RNFT2: variants seen among roughly 807,000 people sequenced by gnomAD.
The protein encoded by RNFT2 is ring finger protein, transmembrane 2, also known as E3 ubiquitin-protein ligase RNFT2.
In RNFT2, 36 loss-of-function variants were observed where a neutral mutation model predicts 53.0. The ratio of observed to expected loss-of-function variants is 0.68; its 90% confidence interval spans 0.52 to 0.90. The LOEUF (loss-of-function observed/expected upper bound fraction) is 0.90, where lower values mean the gene tolerates loss of function less well. Ranked by LOEUF, RNFT2 falls within the 40% of genes least tolerant of loss-of-function variation. RNFT2 has a pLI of 0.00. For missense variants in RNFT2, 514 were observed against 585.6 expected (o/e 0.88, Z 1.26); for synonymous variants, 260 against 253.2 (o/e 1.03, Z -0.26).
chr12:116,788,522 C>T (rs754745498), intron 7 of RNFT2, among the ~76,000 whole-genome samples: 5 of 152,150 alleles, frequency 3.3e-5, no homozygotes, highest in Non-Finnish European at 5.9e-5. Flanking sequence ...GGTGCTCCCA[C>T]GAGGACTCCT....
At chr12:116,802,328 A>G (rs1874838063) in intron 7 of RNFT2, among the ~76,000 whole-genome samples, 1 of 152,184 alleles carries the variant, frequency 6.6e-6, no homozygotes, top group South Asian at 2.1e-4. Context: ...TGCAGACTCT[A>G]GTTCAGGAGT....
intron 6 of RNFT2, among the ~76,000 whole-genome samples, chr12:116,776,260 G>A (rs1873424920): frequency 6.6e-6 from 1 of 152,088 alleles, no homozygotes; most frequent in South Asian, 2.1e-4. Flanking sequence ...AACCCAGATA[G>A]ATGGATTGAA....
At chr12:116,842,444 C>T (rs1481359444) in intron 10 of RNFT2, among the ~76,000 whole-genome samples, 1 of 152,164 alleles carries the variant, frequency 6.6e-6, no homozygotes, top group Non-Finnish European at 1.5e-5. Context: ...CTTGGGCGCA[C>T]AGCTCCCCCT....
At chr12:116,751,524 C>T (rs1291844467) in intron 4 of RNFT2, among the ~76,000 whole-genome samples, 2 of 152,016 alleles carry the variant, frequency 1.3e-5, no homozygotes, top group Non-Finnish European at 2.9e-5. Context: ...CTGCCTCAGC[C>T]TCCCGAGTGA....
At chr12:116,812,936 CTGTTT>C (rs987799768) in intron 7 of RNFT2, among the ~76,000 whole-genome samples, 2 of 151,734 alleles carry the variant, frequency 1.3e-5, no homozygotes, top group Non-Finnish European at 2.9e-5. Flanking sequence ...CTTTGGTTTT[CTGTTT>C]TGTTTTGTCA....
At chr12:116,819,763 C>T (rs189656254) in intron 7 of RNFT2, among the ~76,000 whole-genome samples, 21 of 152,320 alleles carry the variant, frequency 1.4e-4, no homozygotes, top group African/African-American at 4.8e-4. Flanking sequence ...TGAGGCATAA[C>T]TTACATACTG....
chr12:116,750,373 G>A, intron 4 of RNFT2, 66 bp downstream of exon 4: 2 of 1,473,610 alleles, frequency 1.4e-6, no homozygotes, highest in Non-Finnish European at 9.2e-7. Context: ...CAGCCGGTGG[G>A]GTGGGGGCTC....
intron 7 of RNFT2, among the ~76,000 whole-genome samples, chr12:116,831,534 CTT>C (rs764190872): frequency 6.9e-6 from 1 of 144,150 alleles, no homozygotes. Context: ...GTGTTTTTTA[CTT>C]TTTTTTTTTT....
chr12:116,814,997 A>C (rs889564537), intron 7 of RNFT2, among the ~76,000 whole-genome samples: 1 of 152,188 alleles, frequency 6.6e-6, no homozygotes, highest in Non-Finnish European at 1.5e-5. Flanking sequence ...CGGCCTCCCA[A>C]AGTGCTGGGA....
chr12:116,739,490 C>T (rs1871490310), intron 1 of RNFT2, among the ~76,000 whole-genome samples: 1 of 152,112 alleles, frequency 6.6e-6, no homozygotes, highest in Non-Finnish European at 1.5e-5. Context: ...CAAACATGAA[C>T]AAATAAGTGC....
chr12:116,842,564 A>ATTTG (rs1335968339), intron 10 of RNFT2, among the ~76,000 whole-genome samples: 2 of 145,508 alleles, frequency 1.4e-5, no homozygotes, highest in African/African-American at 5.2e-5. Context: ...TATTTTATTT[A>ATTTG]TTTATTTGTT....
chr12:116,802,014 G>A (rs1238266487), intron 7 of RNFT2, among the ~76,000 whole-genome samples: 2 of 152,154 alleles, frequency 1.3e-5, no homozygotes, highest in African/African-American at 4.8e-5. Context: ...CAGAGATGGA[G>A]TTTCGCCATG....
intron 7 of RNFT2, among the ~76,000 whole-genome samples, chr12:116,804,943 G>A (rs1315001150): frequency 1.3e-5 from 2 of 152,102 alleles, no homozygotes; most frequent in African/African-American, 4.8e-5. Context: ...CTCCATCCTG[G>A]GTGATGAAGT....
At chr12:116,832,142 A>ATAT (rs1170051785) in intron 7 of RNFT2, among the ~76,000 whole-genome samples, 118 of 61,772 alleles carry the variant, frequency 1.9e-3, no homozygotes, top group Non-Finnish European at 2.7e-3. Flanking sequence ...AAAAAAAAAA[A>ATAT]AAAAAAATAT....
At chr12:116,759,417 G>C (rs1872612092) in intron 5 of RNFT2, among the ~76,000 whole-genome samples, 1 of 152,106 alleles carries the variant, frequency 6.6e-6, no homozygotes, top group Non-Finnish European at 1.5e-5. Context: ...TGTGATTTTG[G>C]GGGAGTGTTG....
intron 7 of RNFT2, among the ~76,000 whole-genome samples, chr12:116,810,887 A>G (rs943312607): frequency 2.6e-5 from 4 of 152,182 alleles, no homozygotes; most frequent in African/African-American, 9.7e-5. Context: ...GAGAGAAGAA[A>G]AGGTAGCAGA....
intron 1 of RNFT2, among the ~76,000 whole-genome samples, chr12:116,739,801 G>A (rs533245859): frequency 2.0e-5 from 3 of 152,364 alleles, no homozygotes; most frequent in South Asian, 2.1e-4. Flanking sequence ...GACAGAGCTC[G>A]GGTTTGATTC....
chr12:116,851,072 G>A lies in RNFT2; in HGVS notation c.*1624G>A, dbSNP rs547274250. ...GCTGTCATCCTCACAACAGCCCTGT[G>A]ATGGGGGAGGTACTGTTGGGTCCCC... On this transcript the variant is annotated 3_prime_UTR_variant, in exon 11 of 11. Coordinates refer to ENST00000257575, the MANE Select transcript of RNFT2 (RefSeq NM_001382266.1). 1 of 152,346 alleles carries A rather than the reference G, an allele frequency of 6.6e-6. No homozygotes were observed. Among genetic ancestry groups the A allele is most frequent in the Non-Finnish European group, 1.5e-5 (1 of 68,104 alleles). 9.4% of individuals were successfully genotyped at this position (152,346 alleles called of 1,614,324 possible). A position where few individuals can be genotyped will look rare whatever the true frequency, so the allele number is the denominator to read the frequency against.
At chr12:116,813,822 A>G (rs2137169771) in intron 7 of RNFT2, among the ~76,000 whole-genome samples, 1 of 152,356 alleles carries the variant, frequency 6.6e-6, no homozygotes, top group Non-Finnish European at 1.5e-5. Flanking sequence ...GGAGTCAAGC[A>G]GGTTCCATTC....
Sources: allele counts gnomAD v4.1 joint callset (sites outside exome capture counted in the v4.1 genomes callset), GRCh38; gene constraint gnomAD v4.1.1; transcripts MANE v1.5; gene names NCBI Gene and HGNC (gene_info 2026-07-23, HGNC 2026-07-21).